DLGAP1: variants seen among roughly 807,000 people sequenced by gnomAD.
DLGAP1 encodes the protein DLG associated protein 1, also known as disks large-associated protein 1.
In DLGAP1, 11 loss-of-function variants were observed where a neutral mutation model predicts 90.8. That is an observed-to-expected ratio of 0.12 (90% CI 0.08 to 0.20). The LOEUF is 0.20. DLGAP1 is among the 10% of genes least tolerant of loss of function. The pLI is 1.00. For missense variants in DLGAP1, 1,050 were observed against 1,333.8 expected (o/e 0.79, Z 3.31); for synonymous variants, 558 against 540.7 (o/e 1.03, Z -0.44).
chr18:3,568,914 C>T (rs1309624409), intron 8 of DLGAP1, among the ~76,000 whole-genome samples: 1 of 151,774 alleles, frequency 6.6e-6, no homozygotes, highest in East Asian at 1.9e-4. Flanking sequence ...TCTCGATCTC[C>T]TGACCTCGTG....
intron 7 of DLGAP1, among the ~76,000 whole-genome samples, chr18:3,600,999 TATAG>T (rs1245465104): frequency 1.5e-5 from 2 of 131,924 alleles, no homozygotes; most frequent in Non-Finnish European, 3.1e-5. Context: ...TATATAGATA[TATAG>T]ATATAGATAG....
At chr18:3,938,440 G>A (rs1238008915) in intron 3 of DLGAP1, among the ~76,000 whole-genome samples, 1 of 152,104 alleles carries the variant, frequency 6.6e-6, no homozygotes, top group Non-Finnish European at 1.5e-5. Flanking sequence ...ATGTATGAGA[G>A]TGCGACGCAT....
Position 3,567,548 on chromosome 18 carries a change from C to G in DLGAP1, c.1999G>C (p.Glu667Gln), listed in dbSNP as rs769452424. 6.2e-7 allele frequency: 1 copy of G among 1,614,000 alleles called. No individual in the cohort carries two copies. Among genetic ancestry groups the G allele is most frequent in the Non-Finnish European group, 8.5e-7 (1 of 1,179,972 alleles). Residue 667 changes from glutamate (E) to glutamine (Q), a missense_variant, in exon 9 of 13, where the codon GAG (glutamate) becomes CAG (glutamine). Coordinates refer to ENST00000315677, the MANE Select transcript of DLGAP1 (RefSeq NM_004746.4). ...DDAEEPDKTG[E>Q]NKAPSKFQSV... ...TGGAACTTACTGGGTGCTTTATTCT[C>G]CCCTGTTTTGTCAGGTTCTTCAGCA... is the stretch of plus-strand genomic sequence containing the variant.
chr18:3,547,451 G>C (rs1474347062), intron 9 of DLGAP1, among the ~76,000 whole-genome samples: 1 of 150,954 alleles, frequency 6.6e-6, no homozygotes, highest in African/African-American at 2.4e-5. Flanking sequence ...TTAAAAAATA[G>C]GCATACGACA....
chr18:4,034,615 C>G (rs924588839), intron 2 of DLGAP1, among the ~76,000 whole-genome samples: 1 of 152,102 alleles, frequency 6.6e-6, no homozygotes, highest in African/African-American at 2.4e-5. Flanking sequence ...CTACTTCCAA[C>G]ACCTTTATAG....
chr18:3,688,719 T>C (rs1297229134), intron 7 of DLGAP1, among the ~76,000 whole-genome samples: 4 of 149,784 alleles, frequency 2.7e-5, no homozygotes, highest in Non-Finnish European at 5.9e-5. Flanking sequence ...GGTAAAGGAA[T>C]GGGTTAAAGG....
chr18:4,094,478 T>G (rs2143792305), intron 2 of DLGAP1, among the ~76,000 whole-genome samples: 1 of 152,258 alleles, frequency 6.6e-6, no homozygotes, highest in South Asian at 2.1e-4. Context: ...TTCTTGTTTG[T>G]GTCCTATATC....
intron 1 of DLGAP1, among the ~76,000 whole-genome samples, chr18:4,183,922 G>C (rs1233982329): frequency 6.6e-6 from 1 of 152,092 alleles, no homozygotes; most frequent in African/African-American, 2.4e-5. Flanking sequence ...ACAGACCCGA[G>C]GGTATTTTCT....
At chr18:3,570,502 C>T (rs570750922) in intron 8 of DLGAP1, among the ~76,000 whole-genome samples, 1 of 151,992 alleles carries the variant, frequency 6.6e-6, no homozygotes. Context: ...TGGTCTCGAC[C>T]TCCCAACCTC....
rs1741020815 is a variant in DLGAP1 at position 3,653,555 on chromosome 18, A to G, written c.1592-71307T>C. 6.6e-6 allele frequency: 1 copy of G among 152,220 alleles called. No individual in the cohort carries two copies. The highest frequency in any genetic ancestry group is 1.5e-5 in the Non-Finnish European group (1 of 68,052). 9.4% of individuals were successfully genotyped at this position (152,220 alleles called of 1,614,324 possible). ...TTAAAAAGCTGCTATGAAGCTGCAC[A>G]GTGCGGAAGAGGGCACCCCTGCTCC... is the stretch of plus-strand genomic sequence containing the variant. On this transcript the variant is annotated intron_variant, in intron 7 of 12. Transcript: ENST00000315677. This position sits in a 1 kb window ranked among gnomAD's most constrained non-coding sequence, Gnocchi z 4.6.
At chr18:4,269,352 ATATTTTTT>A (rs1255596633) in intron 1 of DLGAP1, among the ~76,000 whole-genome samples, 1,454 of 131,246 alleles carry the variant, frequency 0.011, 22 homozygotes, top group African/African-American at 0.043. Flanking sequence ...ATATATATAT[ATATTTTTT>A]TTTTTCTTTT....
At chr18:4,381,726 A>C (rs2082123405) in intron 1 of DLGAP1, among the ~76,000 whole-genome samples, 1 of 152,034 alleles carries the variant, frequency 6.6e-6, no homozygotes, top group African/African-American at 2.4e-5. Flanking sequence ...TGTTTAGGAG[A>C]TCTTTCTTGA....
At chr18:3,753,511 C>CTT (rs1331771156) in intron 5 of DLGAP1, among the ~76,000 whole-genome samples, 1 of 152,126 alleles carries the variant, frequency 6.6e-6, no homozygotes, top group Non-Finnish European at 1.5e-5. Context: ...GAACTTGGCC[C>CTT]AAAATTTCAA....
At position 3,684,247 on chromosome 18, in the gene DLGAP1, T is replaced by G. The variant is rs369883919; in HGVS notation, c.1591+44888A>C. Among the ~76,000 whole-genome samples the G allele has an allele frequency of 2.6e-5, 4 of 152,002 alleles. No homozygotes were observed. In the East Asian group the frequency reaches 7.7e-4, roughly 29 times the overall value. ...CTCTGTCCCCCAGGAGGGAGTGCAG[T>G]GGTGCAATCACAGCTCACTGCAGCC... is the stretch of plus-strand genomic sequence containing the variant. On this transcript the variant is annotated intron_variant, in intron 7 of 12. Transcript: ENST00000315677.
At chr18:4,109,026 A>G (rs1373273279) in intron 2 of DLGAP1, among the ~76,000 whole-genome samples, 1 of 152,028 alleles carries the variant, frequency 6.6e-6, no homozygotes, top group East Asian at 1.9e-4. Context: ...GAGCTGTCTA[A>G]ATGGGAGTGA....
intron 2 of DLGAP1, among the ~76,000 whole-genome samples, chr18:4,081,332 A>T (rs1157223063): frequency 6.6e-6 from 1 of 151,676 alleles, no homozygotes; most frequent in Non-Finnish European, 1.5e-5. Context: ...AAAAAAAAAA[A>T]GTAATCTGCC....
intron 7 of DLGAP1, among the ~76,000 whole-genome samples, chr18:3,654,487 A>G (rs2059416054): frequency 6.6e-6 from 1 of 152,228 alleles, no homozygotes; most frequent in African/African-American, 2.4e-5. Context: ...GGCAAGTGGA[A>G]TACTGCACTC....
chr18:4,259,340 T>C (rs1239468971), intron 1 of DLGAP1, among the ~76,000 whole-genome samples: 1 of 152,214 alleles, frequency 6.6e-6, no homozygotes, highest in Admixed American at 6.5e-5. Context: ...ACTGTTTTCA[T>C]TTGAAATAAC....
chr18:3,867,084 C>A (rs1243255509), intron 4 of DLGAP1, among the ~76,000 whole-genome samples: 25 of 152,164 alleles, frequency 1.6e-4, no homozygotes, highest in African/African-American at 5.6e-4. Context: ...GAACTCCTGA[C>A]CTCGTGATCC....
Sources: allele counts gnomAD v4.1 joint callset (sites outside exome capture counted in the v4.1 genomes callset), GRCh38; gene constraint gnomAD v4.1.1; non-coding constraint Gnocchi (gnomAD v3.1); transcripts MANE v1.5; gene names NCBI Gene and HGNC (gene_info 2026-07-23, HGNC 2026-07-21).